HADHB: variants seen among roughly 807,000 people sequenced by gnomAD.
The protein encoded by HADHB is trifunctional enzyme subunit beta, mitochondrial.
A neutral mutation model predicts 61.9 loss-of-function variants in HADHB; 50 were observed. The observed-to-expected ratio is 0.81, with a 90% CI of 0.64 to 1.02. The LOEUF is 1.02. Among genes scored for constraint, HADHB ranks in the 50% least tolerant of loss-of-function variants. HADHB has a pLI of 0.00. For missense variants in HADHB, 504 were observed against 586.5 expected, an observed-to-expected ratio of 0.86 and a Z score of 1.45; for synonymous variants, 191 against 201.6, an observed-to-expected ratio of 0.95 and a Z score of 0.45.
At position 26,276,357 on chromosome 2, in the gene HADHB, G is replaced by A. The variant is rs142252850; in HGVS notation, c.355-716G>A. ...TTGTTAGTTGGTCTGACCCTTATTT[G>A]TTCACAGACTCACTTGTAACTCAGG... On this transcript the variant is annotated intron_variant, in intron 6 of 15. Transcript: ENST00000317799. Among the ~76,000 whole-genome samples the A allele has an allele frequency of 2.2e-4, 33 of 152,230 alleles. No homozygotes were observed. The East Asian group carries it at 6.4e-3, about 29-fold the overall frequency.
chr2:26,288,814 A>T (rs1345009861), intron 15 of HADHB, among the ~76,000 whole-genome samples: 2 of 152,236 alleles, frequency 1.3e-5, no homozygotes, highest in Non-Finnish European at 2.9e-5. Flanking sequence ...GCAGTGTTCA[A>T]CTTGGCACTT....
intron 3 of HADHB, among the ~76,000 whole-genome samples, chr2:26,257,079 T>A (rs1334364907): frequency 6.6e-6 from 1 of 152,076 alleles, no homozygotes; most frequent in Non-Finnish European, 1.5e-5. Flanking sequence ...GCCTTGTTGA[T>A]CTTGCGTCAC....
At chr2:26,252,051 C>T (rs1671420286) in intron 1 of HADHB, among the ~76,000 whole-genome samples, 2 of 152,220 alleles carry the variant, frequency 1.3e-5, no homozygotes, top group African/African-American at 2.4e-5. Context: ...CAAGCTCACT[C>T]ACATGGCTGT....
Position 26,284,212 on chromosome 2 carries a change from A to T in HADHB, c.1149+8A>T. On this transcript the variant is annotated splice_region_variant and intron_variant, in intron 13 of 15. Transcript: ENST00000317799. ...TTTCATGAAGCTTTCTCGGTAAGTA[A>T]TTTGAAAGACACATATGAAGGGACT... 1 of 1,403,578 alleles carries T rather than the reference A, an allele frequency of 7.1e-7. No individual in the cohort carries two copies. Among genetic ancestry groups the T allele is most frequent in the African/African-American group, 1.4e-5 (1 of 71,152 alleles). 86.9% of individuals were successfully genotyped at this position (1,403,578 alleles called of 1,614,324 possible). A position where few individuals can be genotyped will look rare whatever the true frequency, so the allele number is the denominator to read the frequency against.
intron 9 of HADHB, among the ~76,000 whole-genome samples, chr2:26,279,775 G>A (rs755151690): frequency 4.6e-5 from 7 of 152,032 alleles, no homozygotes; most frequent in African/African-American, 7.3e-5. Flanking sequence ...AGAAAATAGG[G>A]TGTCCTATTT....
chr2:26,246,210 G>A (rs73920255), intron 1 of HADHB, among the ~76,000 whole-genome samples: 2,107 of 152,282 alleles, frequency 0.014, 59 homozygotes, highest in African/African-American at 0.048. Context: ...CTAACTGCGT[G>A]TAACACTTAT....
chr2:26,251,742 C>T lies in HADHB; in HGVS notation c.-8-2505C>T, dbSNP rs566499722. Among the ~76,000 whole-genome samples the T allele has an allele frequency of 2.6e-5, 4 of 152,284 alleles. No homozygotes were observed. The South Asian group carries it at 8.3e-4, about 32-fold the overall frequency. On this transcript the variant is annotated intron_variant, in intron 1 of 15. Transcript: ENST00000317799. ...GGCTTCTCCATCTCTTTCCAATCCA[C>T]ATGTTTGGAACATGTTTTGTTTTTT...
At chr2:26,265,723 A>G (rs1252370335) in intron 4 of HADHB, among the ~76,000 whole-genome samples, 2 of 152,244 alleles carry the variant, frequency 1.3e-5, no homozygotes, top group African/African-American at 4.8e-5. Context: ...AAATTGGCAT[A>G]GGGTTGTTCC....
chr2:26,285,868 G>T (rs1280886228), intron 15 of HADHB, among the ~76,000 whole-genome samples: 2 of 150,770 alleles, frequency 1.3e-5, no homozygotes, highest in African/African-American at 4.9e-5. Context: ...CTCCCGAGCA[G>T]TTGAGATTAC....
intron 6 of HADHB, 112 bp from the exon 7 acceptor site, chr2:26,276,961 G>A (rs766093436): frequency 1.4e-6 from 1 of 723,060 alleles, no homozygotes; most frequent in Non-Finnish European, 2.6e-6. Context: ...TTGCTCTGGA[G>A]AATGTTAAAC....
chr2:26,252,448 AC>A (rs1265922734), intron 1 of HADHB, among the ~76,000 whole-genome samples: 3 of 152,050 alleles, frequency 2.0e-5, no homozygotes, highest in African/African-American at 7.3e-5. Flanking sequence ...CAAGTCTTCC[AC>A]CCCTGACCCC....
rs1459919990 is a variant in HADHB at position 26,284,959 on chromosome 2, T to C, written c.1224+2T>C. The C allele has an allele frequency of 6.7e-7, 1 of 1,500,584 alleles. No homozygotes were observed. Among genetic ancestry groups the C allele is most frequent in the East Asian group, 2.3e-5 (1 of 44,316 alleles). 93.0% of individuals were successfully genotyped at this position (1,500,584 alleles called of 1,614,324 possible). A position where few individuals can be genotyped will look rare whatever the true frequency, so the allele number is the denominator to read the frequency against. On this transcript the variant is annotated splice_donor_variant, in intron 14 of 15. Transcript: ENST00000317799. LOFTEE classifies it high-confidence loss of function. ...AACTACATGGGTAGAAAAACCAAGG[T>C]GAGTTTCTAATTTTAAAAAATGCGT...
At chr2:26,255,498 CAAAAA>C (rs61458894) in intron 3 of HADHB, among the ~76,000 whole-genome samples, 3 of 76,386 alleles carry the variant, frequency 3.9e-5, no homozygotes, top group South Asian at 4.0e-4. Flanking sequence ...GACTCCGGCT[CAAAAA>C]AAAAAAAAAA....
intron 4 of HADHB, among the ~76,000 whole-genome samples, chr2:26,265,101 T>C (rs1357658482): frequency 6.6e-6 from 1 of 152,166 alleles, no homozygotes; most frequent in East Asian, 1.9e-4. Context: ...TTCTATAATC[T>C]CTTTCCTGTA....
chr2:26,279,653 T>A (rs1672703559), intron 9 of HADHB, among the ~76,000 whole-genome samples: 1 of 149,736 alleles, frequency 6.7e-6, no homozygotes, highest in Admixed American at 6.7e-5. Flanking sequence ...AAAAACAGAG[T>A]CTCCTTTTAG....
In HADHB at chr2:26,279,464, T is replaced by C. The variant is rs997078214; in HGVS notation, c.811+149T>C. On this transcript the variant is annotated intron_variant, in intron 9 of 15. Coordinates refer to ENST00000317799, the MANE Select transcript of HADHB (RefSeq NM_000183.3). ...CTTAAATATGGATGCAAATTTTGAT[T>C]TATGTTGTAACAATAGGTTAACATT... is the stretch of plus-strand genomic sequence containing the variant. The C allele has an allele frequency of 8.7e-6, 6 of 689,798 alleles. No homozygotes were observed. In the East Asian group the frequency reaches 1.1e-4, roughly 12 times the overall value. 42.7% of individuals were successfully genotyped at this position (689,798 alleles called of 1,614,324 possible).
intron 1 of HADHB, among the ~76,000 whole-genome samples, chr2:26,251,757 TTTTG>T (rs1233062680): frequency 6.6e-6 from 1 of 152,164 alleles, no homozygotes; most frequent in Non-Finnish European, 1.5e-5. Flanking sequence ...TTGGAACATG[TTTTG>T]TTTTTTTCTT....
intron 14 of HADHB, 101 bp from the exon 15 acceptor site, chr2:26,285,306 C>T (rs1384139801): frequency 2.2e-5 from 21 of 971,846 alleles, no homozygotes; most frequent in Middle Eastern, 3.1e-4. Context: ...TCTGACGTTA[C>T]GTATTTTCCT....
chr2:26,285,641 A>AGTT, intron 15 of HADHB, 70 bp downstream of exon 15: 1 of 1,146,834 alleles, frequency 8.7e-7, no homozygotes, highest in African/African-American at 1.6e-5. Flanking sequence ...TGTATGATTT[A>AGTT]GTTTGAAACC....
Sources: allele counts gnomAD v4.1 joint callset (sites outside exome capture counted in the v4.1 genomes callset), GRCh38; gene constraint gnomAD v4.1.1; transcripts MANE v1.5; gene names NCBI Gene and HGNC (gene_info 2026-07-23, HGNC 2026-07-21).